Variants in CTNNA2 observed in about 807,000 individuals in gnomAD.
CTNNA2 encodes the protein catenin alpha 2.
In CTNNA2, 42 loss-of-function variants were observed where a neutral mutation model predicts 101.0. The ratio of observed to expected loss-of-function variants is 0.42; its 90% CI spans 0.32 to 0.54. The LOEUF (loss-of-function observed/expected upper bound fraction) is 0.54, where lower values mean the gene tolerates loss of function less well. Among genes scored for constraint, CTNNA2 ranks in the 20% least tolerant of loss-of-function variants. The pLI, the probability that CTNNA2 is intolerant of heterozygous loss-of-function variation, is 0.14. For missense variants in CTNNA2, 871 were observed against 1,223.1 expected (o/e 0.71, Z 4.29); for synonymous variants, 450 against 456.4 (o/e 0.99, Z 0.18).
At chr2:80,369,072 T>C (rs896571577) in intron 7 of CTNNA2, among the ~76,000 whole-genome samples, 2 of 151,990 alleles carry the variant, frequency 1.3e-5, no homozygotes, top group African/African-American at 4.8e-5. Flanking sequence ...TCATAAAGTT[T>C]ATTTTCACTA....
rs1698587576 is a variant in CTNNA2 at position 80,075,039 on chromosome 2, T to TA, written c.1056+165243dup. Among the ~76,000 whole-genome samples, 3 of 152,282 alleles carry TA rather than the reference T, an allele frequency of 2.0e-5. No individual in the cohort carries two copies. In the South Asian group the frequency reaches 6.2e-4, roughly 32 times the overall value. On this transcript the variant is annotated intron_variant, in intron 7 of 18. Transcript: ENST00000402739. ...TTAGGTCTGTCCATATCCCTTCCCTTACTGTTTTTTTTCTTTTTGTTGTTG... is the reference window on the plus strand; with the variant it reads ...TTAGGTCTGTCCATATCCCTTCCCTTAACTGTTTTTTTTCTTTTTGTTGTTG...
rs146127315 is a variant in CTNNA2, at chr2:80,377,706, T to C, written c.1057-15505T>C. Among the ~76,000 whole-genome samples the C allele has an allele frequency of 3.5e-4, 54 of 152,334 alleles. 1 individual carries two copies. In the East Asian group the frequency reaches 6.0e-3, roughly 17 times the overall value. Reference sequence around the variant, plus strand: ...CGTCTTTCCCCACCCTAAGTCTTAGTGTCATAAGCCTTCTAGGAGACTAAG... The same window carrying C: ...CGTCTTTCCCCACCCTAAGTCTTAGCGTCATAAGCCTTCTAGGAGACTAAG... On this transcript the variant is annotated intron_variant, in intron 7 of 18. Transcript: ENST00000402739.
intron 2 of CTNNA2, among the ~76,000 whole-genome samples, chr2:79,697,538 A>G (rs1202792274): frequency 6.6e-6 from 1 of 152,032 alleles, no homozygotes; most frequent in African/African-American, 2.4e-5. Context: ...CAGGTTTGTG[A>G]TTTAAGTGTT....
In CTNNA2 at chr2:79,909,870, T is replaced by C. The variant is rs1038021224; in HGVS notation, c.1056+73T>C. On this transcript the variant is annotated intron_variant, in intron 7 of 18. Transcript: ENST00000402739. ...CAATCGTGTTGCTCTTTTGGAAGCA[T>C]AGATAGCAGGAAAAGAGAACAGACC... The C allele has an allele frequency of 4.2e-6, 6 of 1,427,394 alleles. No homozygotes were observed. The African/African-American group carries it at 4.3e-5, about 10-fold the overall frequency. 88.4% of individuals were successfully genotyped at this position (1,427,394 alleles called of 1,614,324 possible).
intron 3 of CTNNA2, among the ~76,000 whole-genome samples, chr2:79,846,405 C>A (rs894791573): frequency 6.6e-6 from 1 of 152,024 alleles, no homozygotes; most frequent in African/African-American, 2.4e-5. Context: ...CTTTTCTCTC[C>A]GATTGTATTT....
chr2:80,050,283 C>G (rs1030783613), intron 7 of CTNNA2, among the ~76,000 whole-genome samples: 2 of 152,194 alleles, frequency 1.3e-5, no homozygotes, highest in African/African-American at 2.4e-5. Flanking sequence ...TGAGGCTGCA[C>G]TAAGTCCAAG....
intron 2 of CTNNA2, among the ~76,000 whole-genome samples, chr2:79,210,654 C>G (rs1674159885): frequency 6.6e-6 from 1 of 152,138 alleles, no homozygotes; most frequent in South Asian, 2.1e-4. Context: ...GTCTTCATGT[C>G]CCCTCTGATC....
At chr2:80,389,758 A>G (rs1170024804) in intron 7 of CTNNA2, among the ~76,000 whole-genome samples, 1 of 152,158 alleles carries the variant, frequency 6.6e-6, no homozygotes, top group Non-Finnish European at 1.5e-5. Flanking sequence ...CAGTGGCCCA[A>G]ATTTCCTAAA....
chr2:79,200,056 C>T (rs990907200), intron 2 of CTNNA2, among the ~76,000 whole-genome samples: 7 of 152,046 alleles, frequency 4.6e-5, no homozygotes, highest in Non-Finnish European at 7.4e-5. Context: ...AGAGAGACCA[C>T]TCTCTAGTCT....
chr2:80,131,716 G>C (rs1044867441), intron 7 of CTNNA2, among the ~76,000 whole-genome samples: 10 of 152,058 alleles, frequency 6.6e-5, no homozygotes, highest in Admixed American at 6.6e-4. Context: ...TATTAAACTT[G>C]TACATACATT....
intron 7 of CTNNA2, among the ~76,000 whole-genome samples, chr2:79,997,594 C>T (rs1323358876): frequency 4.0e-5 from 6 of 148,952 alleles, no homozygotes; most frequent in African/African-American, 1.6e-4. Context: ...ATTTCTTTTC[C>T]CCCAACTTTG....
At chr2:79,915,393 T>C (rs1417960091) in intron 7 of CTNNA2, among the ~76,000 whole-genome samples, 1 of 152,188 alleles carries the variant, frequency 6.6e-6, no homozygotes, top group Non-Finnish European at 1.5e-5. Context: ...TGCAATCTAT[T>C]CTCTTTACTC....
At chr2:79,309,844 C>T (rs895547714) in intron 2 of CTNNA2, among the ~76,000 whole-genome samples, 1 of 152,158 alleles carries the variant, frequency 6.6e-6, no homozygotes, top group African/African-American at 2.4e-5. Flanking sequence ...TTTTAACACT[C>T]ATTTCCACAA....
At chr2:80,023,947 C>T (rs1326969793) in intron 7 of CTNNA2, among the ~76,000 whole-genome samples, 1 of 151,924 alleles carries the variant, frequency 6.6e-6, no homozygotes, top group Non-Finnish European at 1.5e-5. Flanking sequence ...ATTAGCCGGG[C>T]GTGGTGGTGG....
At chr2:80,209,978 C>T (rs1707784040) in intron 7 of CTNNA2, among the ~76,000 whole-genome samples, 2 of 152,112 alleles carry the variant, frequency 1.3e-5, no homozygotes, top group South Asian at 4.1e-4. Flanking sequence ...AAGATAACTG[C>T]TGTTAGCTTG....
At chr2:79,879,831 C>A (rs112502770) in intron 6 of CTNNA2, among the ~76,000 whole-genome samples, 4,193 of 151,986 alleles carry the variant, frequency 0.028, 137 homozygotes, top group East Asian at 0.18. Flanking sequence ...ACCTGATTGC[C>A]CTGTCCAGAA....
At chr2:79,745,406 G>C (rs1210425325) in intron 3 of CTNNA2, among the ~76,000 whole-genome samples, 1 of 151,808 alleles carries the variant, frequency 6.6e-6, no homozygotes, top group Non-Finnish European at 1.5e-5. Flanking sequence ...ACTCCAGCCT[G>C]GGTGACAGAG....
At chr2:79,406,530 C>G (rs1049708588) in intron 4 of CTNNA2, among the ~76,000 whole-genome samples, 1 of 151,964 alleles carries the variant, frequency 6.6e-6, no homozygotes, top group Non-Finnish European at 1.5e-5. Context: ...TGTATCTCCT[C>G]AAGGGCATCC....
chr2:80,195,396 G>A (rs575517069), intron 7 of CTNNA2, among the ~76,000 whole-genome samples: 12 of 152,168 alleles, frequency 7.9e-5, no homozygotes, highest in Admixed American at 7.9e-4. Flanking sequence ...GTGATATTTT[G>A]GTTTGTGAAT....
Sources: allele counts gnomAD v4.1 joint callset (sites outside exome capture counted in the v4.1 genomes callset), GRCh38; gene constraint gnomAD v4.1.1; transcripts MANE v1.5; gene names NCBI Gene and HGNC (gene_info 2026-07-23, HGNC 2026-07-21).